The following TXNDC11 variants were observed in gnomAD, a reference collection of about 807,000 sequenced individuals.
TXNDC11 encodes the protein thioredoxin domain-containing protein 11.
TXNDC11 carries 68 observed loss-of-function variants against 78.0 expected under a neutral mutation model. That is an observed-to-expected ratio of 0.87 (90% CI 0.72 to 1.07). The LOEUF is 1.07. Ranked by LOEUF, TXNDC11 falls within the 50% of genes least tolerant of loss-of-function variation. The pLI is 0.00. For synonymous variants in TXNDC11, 571 were observed against 495.2 expected (o/e 1.15, Z -2.03); for missense variants, 1,389 against 1,221.8 (o/e 1.14, Z -2.04).
chr16:11,690,123 G>T (rs138409498), intron 8 of TXNDC11: 1 of 152,160 alleles, frequency 6.6e-6, no homozygotes, highest in Non-Finnish European at 1.5e-5. Flanking sequence ...GAAATGAAAG[G>T]TTTCCTTCCC....
At chr16:11,741,159 T>C (rs1214174711) in intron 1 of TXNDC11, among the ~76,000 whole-genome samples, 1 of 152,214 alleles carries the variant, frequency 6.6e-6, no homozygotes, top group East Asian at 1.9e-4. Flanking sequence ...TGAGAGTTAT[T>C]ATAATTTATC....
At chr16:11,723,423 G>A (rs1485071976) in intron 4 of TXNDC11, among the ~76,000 whole-genome samples, 3 of 151,648 alleles carry the variant, frequency 2.0e-5, no homozygotes, top group Non-Finnish European at 4.4e-5. Context: ...TGTCTCTACT[G>A]AAAATAAAAA....
rs913308659 is a variant in TXNDC11, at chr16:11,708,276, G to A, written c.794-7712C>T. Among the ~76,000 whole-genome samples, 8 of 152,276 alleles carry A rather than the reference G, an allele frequency of 5.3e-5. No homozygotes were observed. In the East Asian group the frequency reaches 1.4e-3, roughly 26 times the overall value. ...GCACTTATCTGGTAAGATCACATGA[G>A]ACAATGTTTCTTGAATTTTTTTCAT... On this transcript the variant is annotated intron_variant, in intron 5 of 11. Transcript: ENST00000283033.
intron 3 of TXNDC11, among the ~76,000 whole-genome samples, chr16:11,731,716 C>T (rs190330591): frequency 9.3e-5 from 14 of 151,222 alleles, no homozygotes; most frequent in East Asian, 5.8e-4. Context: ...CACACACACA[C>T]GTGATGGGAT....
At chr16:11,721,789 T>C in intron 4 of TXNDC11, 119 bp from the exon 5 acceptor site, 1 of 563,380 alleles carries the variant, frequency 1.8e-6, no homozygotes, top group Non-Finnish European at 3.2e-6. Flanking sequence ...TGCCTTTCAT[T>C]TTTTCAAAAA....
chr16:11,698,320 G>A lies in TXNDC11; in HGVS notation c.912C>T (p.Phe304=), dbSNP rs1419460410. 17 of 1,612,952 alleles carry A rather than the reference G, an allele frequency of 1.1e-5. 1 individual carries two copies. In the South Asian group the frequency reaches 1.6e-4, roughly 16 times the overall value. Residue 304 remains phenylalanine, a synonymous_variant, in exon 7 of 12, where the codon TTC becomes TTT. Coordinates refer to ENST00000283033, the MANE Select transcript of TXNDC11 (RefSeq NM_015914.7). Reference sequence around the variant, plus strand: ...CTGTGTAGTTCAGGACCTCCCTGGGGAAGACCTGTGAAGGACAAAGGCACA... The same window carrying A: ...CTGTGTAGTTCAGGACCTCCCTGGGAAAGACCTGTGAAGGACAAAGGCACA... ...LHRHFNTSLV[F]PREVLNYTAE...
At chr16:11,704,864 G>C (rs1040288058) in intron 5 of TXNDC11, among the ~76,000 whole-genome samples, 5 of 151,834 alleles carry the variant, frequency 3.3e-5, no homozygotes, top group Admixed American at 1.3e-4. Flanking sequence ...ATTCAAATGA[G>C]GTCTGCAGTT....
chr16:11,738,716 A>G lies in TXNDC11; in HGVS notation c.255-2483T>C, dbSNP rs865868316. 7.9e-5 allele frequency among the ~76,000 whole-genome samples: 12 copies of G among 152,230 alleles called. No individual in the cohort carries two copies. The South Asian group carries it at 2.5e-3, about 32-fold the overall frequency. On this transcript the variant is annotated intron_variant, in intron 1 of 11. Transcript: ENST00000283033. Reference sequence around the variant, plus strand: ...GATCCAAAATTCTGCTCTTTGGAGAAATTACTTTTCTACCATTCAAACTGC... The same window carrying G: ...GATCCAAAATTCTGCTCTTTGGAGAGATTACTTTTCTACCATTCAAACTGC...
In TXNDC11 at chr16:11,734,047, G is replaced by C. The variant is rs747799653; in HGVS notation, c.504C>G (p.Asn168Lys). ...VLFVAINCWWNQGKCRKQKHF... is the reference protein window; with the variant it reads ...VLFVAINCWWKQGKCRKQKHF... ...GTTTCTGTTTTCTGCATTTCCCCTG[G>C]TTCCACCAACAGTTAATTGCCACAA... The change falls in exon 3 of 12, where the codon AAC becomes AAG. Residue 168 changes from asparagine to lysine, a missense_variant. Asn to Lys is a moderately conservative substitution (Grantham distance 94, BLOSUM62 0). Coordinates refer to ENST00000283033, the MANE Select transcript of TXNDC11 (RefSeq NM_015914.7). The C allele has an allele frequency of 6.2e-7, 1 of 1,603,358 alleles. No individual in the cohort carries two copies. The highest frequency in any genetic ancestry group is 2.3e-5 in the East Asian group (1 of 44,352).
chr16:11,703,827 C>G (rs2051102561), intron 5 of TXNDC11: 5 of 672,188 alleles, frequency 7.4e-6, no homozygotes, highest in Non-Finnish European at 1.1e-5. Flanking sequence ...CATGGTGGCT[C>G]ACGCCTGTAA....
At chr16:11,714,411 T>C (rs927591509) in intron 5 of TXNDC11, among the ~76,000 whole-genome samples, 18 of 151,860 alleles carry the variant, frequency 1.2e-4, no homozygotes, top group African/African-American at 3.4e-4. Flanking sequence ...GAGGCCGAGG[T>C]GGGCGGATCA....
At chr16:11,686,178 G>A (rs7198071) in intron 10 of TXNDC11, among the ~76,000 whole-genome samples, 3 of 152,120 alleles carry the variant, frequency 2.0e-5, no homozygotes, top group East Asian at 1.9e-4. Flanking sequence ...GGCTGGTCTC[G>A]AACTCCTGGC....
rs762524124 is a variant in TXNDC11 at position 11,742,775 on chromosome 16, G to A, written c.-45C>T. Reference sequence around the variant, plus strand: ...GCTTTATACCGCCGCCGCCGCCTCGGGCCCGAAGGCCCGGCCCGGCCCGTT... The same window carrying A: ...GCTTTATACCGCCGCCGCCGCCTCGAGCCCGAAGGCCCGGCCCGGCCCGTT... On this transcript the variant is annotated 5_prime_UTR_variant, in exon 1 of 12. Coordinates refer to ENST00000283033, the MANE Select transcript of TXNDC11 (RefSeq NM_015914.7). 2 of 1,412,478 alleles carry A rather than the reference G, an allele frequency of 1.4e-6. No homozygotes were observed. The highest frequency in any genetic ancestry group is 1.6e-5 in the South Asian group (1 of 63,414). 87.5% of individuals were successfully genotyped at this position (1,412,478 alleles called of 1,614,324 possible). A position where few individuals can be genotyped will look rare whatever the true frequency, so the allele number is the denominator to read the frequency against.
intron 8 of TXNDC11, 62 bp from the exon 9 acceptor site, chr16:11,688,507 C>T: frequency 7.4e-7 from 1 of 1,348,422 alleles, no homozygotes; most frequent in Non-Finnish European, 1.0e-6. Context: ...AGCTGGCCTA[C>T]TTTTAAACTC....
intron 1 of TXNDC11, among the ~76,000 whole-genome samples, chr16:11,738,676 GAC>G (rs1192337950): frequency 2.8e-5 from 4 of 143,060 alleles, no homozygotes; most frequent in Non-Finnish European, 4.5e-5. Flanking sequence ...AAAAAAAAAA[GAC>G]ACGTTTTCAA....
intron 5 of TXNDC11, among the ~76,000 whole-genome samples, chr16:11,709,423 A>ATTTTTTTTTT (rs149701958): frequency 4.1e-4 from 23 of 55,570 alleles, no homozygotes; most frequent in African/African-American, 7.8e-4. Context: ...AATTTTTTGT[A>ATTTTTTTTTT]TTTTTTTTTT....
intron 5 of TXNDC11, chr16:11,703,563 GGATA>G: frequency 3.3e-6 from 2 of 600,832 alleles, no homozygotes; most frequent in East Asian, 3.0e-5. Context: ...GAGAGGGGAT[GGATA>G]GAGAAATACA....
chr16:11,741,682 A>C (rs1162346766), intron 1 of TXNDC11, among the ~76,000 whole-genome samples: 1 of 152,166 alleles, frequency 6.6e-6, no homozygotes, highest in Non-Finnish European at 1.5e-5. Flanking sequence ...CCATCCACTC[A>C]AGGGAGCAAA....
intron 5 of TXNDC11, among the ~76,000 whole-genome samples, chr16:11,717,641 G>GGGGGGTTAGC (rs1567332739): frequency 1.3e-5 from 2 of 150,334 alleles, no homozygotes; most frequent in African/African-American, 5.0e-5. Context: ...CCAACATGGT[G>GGGGGGTTAGC]AAACCCCGTC....
Sources: gnomAD v4.1 joint callset for allele counts (sites outside exome capture counted in the v4.1 genomes callset) on GRCh38, gnomAD v4.1.1 for gene constraint, MANE v1.5 for transcripts, NCBI Gene and HGNC (gene_info 2026-07-23, HGNC 2026-07-21) for gene names.